Variants in GMIP observed in about 807,000 individuals in gnomAD.
The protein encoded by GMIP is GEM interacting protein, also known as GEM-interacting protein.
GMIP carries 54 observed loss-of-function variants against 105.3 expected under a neutral mutation model. That is an observed-to-expected ratio of 0.51 (90% CI 0.41 to 0.64). The LOEUF (loss-of-function observed/expected upper bound fraction) is 0.64. GMIP is among the 30% of genes least tolerant of loss of function. GMIP has a pLI of 0.00. For synonymous variants in GMIP, 541 were observed against 560.8 expected, an observed-to-expected ratio of 0.96 and a Z score of 0.50; for missense variants, 1,110 against 1,319.4, an observed-to-expected ratio of 0.84 and a Z score of 2.46.
intron 1 of GMIP, among the ~76,000 whole-genome samples, chr19:19,642,865 A>C (rs2061937847): frequency 6.6e-6 from 1 of 152,020 alleles, no homozygotes; most frequent in African/African-American, 2.4e-5. Context: ...ACCCAGAAGC[A>C]AACCAACAAA....
At chr19:19,640,011 A>C in intron 7 of GMIP, 74 bp downstream of exon 7, 3 of 776,860 alleles carry the variant, frequency 3.9e-6, no homozygotes, top group Non-Finnish European at 4.3e-6. Context: ...CTTGCTGGGA[A>C]ACGAGGGGAT....
rs1487946665 is a variant in GMIP, at chr19:19,637,802, C to T, written c.927+118G>A. ...CAGTGGGTCTGGGGGCGGGAACTGG[C>T]TGTCGAGGGAAATGGCCTAGTCCTG... On this transcript the variant is annotated intron_variant, in intron 10 of 20. Transcript: ENST00000203556. This position sits in a 1 kb window ranked among gnomAD's most constrained non-coding sequence, Gnocchi z 6.7. 3 of 1,143,460 alleles carry T rather than the reference C, an allele frequency of 2.6e-6. No homozygotes were observed. The highest frequency in any genetic ancestry group is 3.7e-6 in the Non-Finnish European group (3 of 808,280). The allele number at this position is 1,143,460 out of a possible 1,614,324, so 70.8% of individuals were successfully genotyped here. A position where few individuals can be genotyped will look rare whatever the true frequency, so the allele number is the denominator to read the frequency against.
In GMIP at chr19:19,637,090, C is replaced by A; in HGVS notation, c.1125-61G>T. 1 of 1,115,634 alleles carries A rather than the reference C, an allele frequency of 9.0e-7. No homozygotes were observed. The highest frequency in any genetic ancestry group is 2.1e-5 in the Admixed American group (1 of 48,668). 69.1% of individuals were successfully genotyped at this position (1,115,634 alleles called of 1,614,324 possible). On this transcript the variant is annotated intron_variant, in intron 11 of 20. Coordinates refer to ENST00000203556, the MANE Select transcript of GMIP (RefSeq NM_016573.4). The surrounding 1 kb of genome is among the most constrained non-coding windows in gnomAD (Gnocchi z 6.7). ...GAAACTGGCCTGGGGTGATGGCACC[C>A]AGGCATCATGTCTAGGTACCAACTC... is the stretch of plus-strand genomic sequence containing the variant.
rs780619297 is a variant in GMIP, at chr19:19,638,341, TGAG to T, written c.619-15_619-13del. 4.3e-6 allele frequency: 7 copies of T among 1,614,080 alleles called. No homozygotes were observed. The highest frequency in any genetic ancestry group is 5.9e-6 in the Non-Finnish European group (7 of 1,180,018). ...TGCACCGCCTCATTCTGGGGGATGA[TGAG>T]AAGGTCAGCGTCCCGGCCTCTCTCT... On this transcript the variant is annotated splice_polypyrimidine_tract_variant and intron_variant, in intron 8 of 20. Transcript: ENST00000203556.
chr19:19,629,555 G>A lies in GMIP; in HGVS notation c.*408C>T. On this transcript the variant is annotated 3_prime_UTR_variant, in exon 21 of 21. Coordinates refer to ENST00000203556, the MANE Select transcript of GMIP (RefSeq NM_016573.4). ...AGTCTGAGCTGCCCACCTCCTCCAG[G>A]AAGGTCACTTCGAGTCCGTGAAGGA... 5.2e-6 allele frequency: 1 copy of A among 192,178 alleles called. No individual in the cohort carries two copies. The highest frequency in any genetic ancestry group is 9.2e-5 in the South Asian group (1 of 10,864). 11.9% of individuals were successfully genotyped at this position (192,178 alleles called of 1,614,324 possible).
Position 19,635,813 on chromosome 19 carries a change from G to A in GMIP, c.1328-92C>T, listed in dbSNP as rs1255289028. ...AGAACCACCCACTAATTCCCAAGGG[G>A]TCAGAGGTCAGGAGGGGGATTGGAC... On this transcript the variant is annotated intron_variant, in intron 13 of 20. Coordinates refer to ENST00000203556, the MANE Select transcript of GMIP (RefSeq NM_016573.4). The surrounding 1 kb of genome is among the most constrained non-coding windows in gnomAD (Gnocchi z 4.7). The A allele has an allele frequency of 3.9e-6, 4 of 1,030,706 alleles. No homozygotes were observed. Among genetic ancestry groups the A allele is most frequent in the South Asian group, 1.3e-5 (1 of 78,572 alleles). 63.8% of individuals were successfully genotyped at this position (1,030,706 alleles called of 1,614,324 possible).
chr19:19,632,279 A>G (rs2061804334), intron 19 of GMIP, among the ~76,000 whole-genome samples: 1 of 150,776 alleles, frequency 6.6e-6, no homozygotes, highest in Non-Finnish European at 1.5e-5. Context: ...GGGCAACAAG[A>G]ATGAAACTCC....
In GMIP at chr19:19,638,216, C is replaced by G. The variant is rs1230822665; in HGVS notation, c.732G>C (p.Pro244=). 3 of 1,598,638 alleles carry G rather than the reference C, an allele frequency of 1.9e-6. No homozygotes were observed. The highest frequency in any genetic ancestry group is 2.5e-6 in the Non-Finnish European group (3 of 1,178,398). The change falls in exon 9 of 21, where the codon CCG becomes CCC. Residue 244 remains proline (P), a synonymous_variant. Coordinates refer to ENST00000203556, the MANE Select transcript of GMIP (RefSeq NM_016573.4). ...GCCGCTCCTGCTGCTTGCTAGGTCC[C>G]GGCGAGGCCTGGGGGGCCGAGTCCT... The part of the protein sequence containing the change: ...SPEDSAPQAS[P]GPSKQQERRR...
chr19:19,642,914 A>G (rs1232447420), intron 1 of GMIP, among the ~76,000 whole-genome samples: 3 of 152,158 alleles, frequency 2.0e-5, no homozygotes, highest in Non-Finnish European at 2.9e-5. Flanking sequence ...CCCGAGAAGA[A>G]AGCCGGTCTG....
chr19:19,633,776 A>T (rs747673291), intron 19 of GMIP, 27 bp downstream of exon 19: 1 of 1,420,226 alleles, frequency 7.0e-7, no homozygotes, highest in Admixed American at 2.6e-5. Context: ...GGCCCTCTCC[A>T]TAGCTGTGGG....
In GMIP at chr19:19,633,880, C is replaced by A; in HGVS notation, c.2395G>T (p.Val799Phe). The change falls in exon 19 of 21, where the codon GTC becomes TTC. Residue 799 changes from valine to phenylalanine, a missense_variant. Transcript: ENST00000203556. Reference sequence around the variant, plus strand: ...TCTGGGCCGGGGTCTGAGGCTAGGACTGGGGGCTGGGAGTCTGGGTCAAGG... The same window carrying A: ...TCTGGGCCGGGGTCTGAGGCTAGGAATGGGGGCTGGGAGTCTGGGTCAAGG... ...PHLDPDSQPP[V>F]LASDPGPDPQ... 1 of 1,343,866 alleles carries A rather than the reference C, an allele frequency of 7.4e-7. No homozygotes were observed. Among genetic ancestry groups the A allele is most frequent in the Non-Finnish European group, 9.7e-7 (1 of 1,029,488 alleles). The allele number at this position is 1,343,866 out of a possible 1,614,324, so 83.2% of individuals were successfully genotyped here.
intron 1 of GMIP, chr19:19,643,279 G>GC: frequency 2.1e-6 from 1 of 470,848 alleles, no homozygotes; most frequent in South Asian, 4.3e-5. Context: ...CCCTTCCTGG[G>GC]CCCCCTCCCC....
At chr19:19,642,901 T>C (rs2061938204) in intron 1 of GMIP, among the ~76,000 whole-genome samples, 1 of 151,992 alleles carries the variant, frequency 6.6e-6, no homozygotes, top group African/African-American at 2.4e-5. Context: ...GCAACCAGGC[T>C]GTCCCGAGAA....
intron 19 of GMIP, among the ~76,000 whole-genome samples, chr19:19,631,768 AC>A (rs978786309): frequency 7.0e-6 from 1 of 142,976 alleles, no homozygotes; most frequent in African/African-American, 2.6e-5. Flanking sequence ...CGGGTGGATC[AC>A]AAGGTCAGGA....
chr19:19,635,302 T>G lies in GMIP; in HGVS notation c.1561-89A>C. ...AGGATCCTCAAGGAATGGGGGCTCA[T>G]GGGAGACATCAGGTTAGGGTGGGTC... On this transcript the variant is annotated intron_variant, in intron 15 of 20. Coordinates refer to ENST00000203556, the MANE Select transcript of GMIP (RefSeq NM_016573.4). The surrounding 1 kb of genome is among the most constrained non-coding windows in gnomAD (Gnocchi z 4.7). 6.6e-7 allele frequency: 1 copy of G among 1,522,886 alleles called. No homozygotes were observed. Among genetic ancestry groups the G allele is most frequent in the South Asian group, 1.2e-5 (1 of 83,816 alleles). The allele number at this position is 1,522,886 out of a possible 1,614,324, so 94.3% of individuals were successfully genotyped here.
chr19:19,643,312 A>C, intron 1 of GMIP, 199 bp downstream of exon 1: 1 of 482,092 alleles, frequency 2.1e-6, no homozygotes, highest in East Asian at 3.4e-5. Flanking sequence ...GTGAGGGATC[A>C]AAAGGGGGAG....
chr19:19,643,640 C>G lies in GMIP; in HGVS notation c.-111G>C. ...GCAGCCGCCGCCGCCGCCTCGGTTC[C>G]GCGTCGCCCTGCCCAGCGGAGGCCA... On this transcript the variant is annotated 5_prime_UTR_variant, in exon 1 of 21. Transcript: ENST00000203556. The G allele has an allele frequency of 1.1e-6, 1 of 946,340 alleles. No individual in the cohort carries two copies. Among genetic ancestry groups the G allele is most frequent in the Non-Finnish European group, 1.5e-6 (1 of 648,662 alleles). The allele number at this position is 946,340 out of a possible 1,614,324, so 58.6% of individuals were successfully genotyped here. A position where few individuals can be genotyped will look rare whatever the true frequency, so the allele number is the denominator to read the frequency against.
Position 19,629,995 on chromosome 19 carries a change from C to T in GMIP, c.2881G>A (p.Val961Ile), listed in dbSNP as rs143498159. 235 of 1,609,070 alleles carry T rather than the reference C, an allele frequency of 1.5e-4. No individual in the cohort carries two copies. Among genetic ancestry groups the T allele is most frequent in the Middle Eastern group, 3.3e-4 (2 of 6,048 alleles). Residue 961 changes from valine to isoleucine, a missense_variant, in exon 21 of 21, where the codon GTC (valine) becomes ATC (isoleucine). Around this residue, in one of 3 missense-constraint regions of GMIP, gnomAD observed 394 missense variants for 450.5 expected, o/e 0.87. Coordinates refer to ENST00000203556, the MANE Select transcript of GMIP (RefSeq NM_016573.4). ...TGGTCCTCGGCTTCCTCAGGCTGGA[C>T]GTCCGGGCAGCAGGTGGCCCTGGGC... Reference protein sequence around the residue: ...AVPRATCCPDVQPEEAEDHL With the variant: ...AVPRATCCPDIQPEEAEDHL
At position 19,634,098 on chromosome 19, in the gene GMIP, C is replaced by A; in HGVS notation, c.2177G>T (p.Arg726Leu). 1 of 1,612,946 alleles carries A rather than the reference C, an allele frequency of 6.2e-7. No homozygotes were observed. The highest frequency in any genetic ancestry group is 8.5e-7 in the Non-Finnish European group (1 of 1,179,748). The part of the protein sequence containing the change: ...PTLLRPPDGP[R>L]AASAIPVTCL... ...GGTGACAGGGATGGCGCTGGCTGCC[C>A]GCGGGCCGTCCGGCGGCCGCAGCAG... Residue 726 changes from arginine to leucine, a missense_variant, in exon 19 of 21, where the codon CGG (arginine) becomes CTG (leucine). By Grantham distance (102) the Arg-to-Leu change is moderately radical (BLOSUM62 -2). Coordinates refer to ENST00000203556, the MANE Select transcript of GMIP (RefSeq NM_016573.4). The surrounding 1 kb of genome is among the most constrained non-coding windows in gnomAD (Gnocchi z 6.1).
Sources: gnomAD v4.1 joint callset for allele counts (sites outside exome capture counted in the v4.1 genomes callset) on GRCh38, gnomAD v4.1.1 for gene constraint, gnomAD v4.1.1 regional missense constraint, Gnocchi (gnomAD v3.1) non-coding constraint, MANE v1.5 for transcripts, NCBI Gene and HGNC (gene_info 2026-07-23, HGNC 2026-07-21) for gene names.